The following MCC variants were observed in gnomAD, a reference collection of about 807,000 sequenced individuals.
The protein encoded by MCC is MCC regulator of Wnt signaling pathway.
A neutral mutation model predicts 116.2 loss-of-function variants in MCC; 90 were observed. That is an observed-to-expected ratio of 0.77 (90% CI 0.65 to 0.92). The LOEUF is 0.92. Among genes scored for constraint, MCC ranks in the 40% least tolerant of loss-of-function variants. The probability of loss-of-function intolerance (pLI) is 0.00; values close to 1 mark genes in which losing one functional copy is unlikely to be tolerated. For synonymous variants in MCC, 578 were observed against 510.5 expected (o/e 1.13, Z -1.78); for missense variants, 1,516 against 1,312.2 (o/e 1.16, Z -2.40).
intron 5 of MCC, among the ~76,000 whole-genome samples, chr5:113,124,198 G>A (rs1757902960): frequency 6.6e-6 from 1 of 152,118 alleles, no homozygotes; most frequent in African/African-American, 2.4e-5. Context: ...AAAAAATACA[G>A]GCTAATGTTC....
intron 13 of MCC, 112 bp downstream of exon 13, chr5:113,067,968 C>T: frequency 1.1e-6 from 1 of 909,768 alleles, no homozygotes; most frequent in Non-Finnish European, 1.8e-6. Flanking sequence ...ACACACTTGA[C>T]AACCAAATTT....
At chr5:113,459,825 AACACACACACACAC>A (rs5870543) in intron 1 of MCC, among the ~76,000 whole-genome samples, 1 of 147,530 alleles carries the variant, frequency 6.8e-6, no homozygotes, top group Non-Finnish European at 1.5e-5. Context: ...CGCTATGGAA[AACACACACACACAC>A]ACACACACAC....
chr5:113,102,040 G>A (rs1756453075), intron 7 of MCC, 95 bp from the exon 8 acceptor site: 2 of 1,241,970 alleles, frequency 1.6e-6, no homozygotes, highest in Non-Finnish European at 2.3e-6. Context: ...TGTCCATAGA[G>A]GAGTGTGTTC....
chr5:113,289,160 G>A (rs913713084), intron 3 of MCC, among the ~76,000 whole-genome samples: 1 of 152,018 alleles, frequency 6.6e-6, no homozygotes, highest in Middle Eastern at 3.4e-3. Context: ...GTGAAACTCT[G>A]TCTCTACTAA....
At chr5:113,166,282 T>G (rs557781907) in intron 3 of MCC, among the ~76,000 whole-genome samples, 1 of 152,184 alleles carries the variant, frequency 6.6e-6, no homozygotes, top group Admixed American at 6.6e-5. Context: ...AGTCTGGCAG[T>G]GACTAGAAAT....
chr5:113,222,585 T>C (rs1763591892), intron 3 of MCC, among the ~76,000 whole-genome samples: 1 of 152,236 alleles, frequency 6.6e-6, no homozygotes, highest in African/African-American at 2.4e-5. Context: ...ATTTGTCAGA[T>C]ATTAAATGTA....
chr5:113,064,848 C>T (rs528413012), intron 13 of MCC, among the ~76,000 whole-genome samples: 1 of 152,234 alleles, frequency 6.6e-6, no homozygotes, highest in Non-Finnish European at 1.5e-5. Context: ...TGTTCACATT[C>T]CTATTGTGAT....
At position 113,108,252 on chromosome 5, in the gene MCC, G is replaced by A. The variant is rs143278424; in HGVS notation, c.1028-3897C>T. Among the ~76,000 whole-genome samples the A allele has an allele frequency of 2.3e-3, 325 of 138,914 alleles. 4 individuals carry two copies. Among genetic ancestry groups the A allele is most frequent in the African/African-American group, 7.6e-3 (285 of 37,634 alleles). The allele number at this position is 138,914 out of a possible 152,430, so 91.1% of individuals were successfully genotyped here. A position where few individuals can be genotyped will look rare whatever the true frequency, so the allele number is the denominator to read the frequency against. On this transcript the variant is annotated intron_variant, in intron 6 of 18. Transcript: ENST00000408903. ...GGAGGCTGAGGCAGGAGAATCACTTGAACCCAGGAGGTGGAGGTTGCAATG... is the reference window on the plus strand; with the variant it reads ...GGAGGCTGAGGCAGGAGAATCACTTAAACCCAGGAGGTGGAGGTTGCAATG...
At chr5:113,214,732 C>CTGTGAGATTT (rs1165638963) in intron 3 of MCC, among the ~76,000 whole-genome samples, 2 of 152,208 alleles carry the variant, frequency 1.3e-5, no homozygotes, top group African/African-American at 4.8e-5. Context: ...TCTCAACACC[C>CTGTGAGATTT]TCCAAGCCAT....
rs1007489766 is a variant in MCC at position 113,025,232 on chromosome 5, A to T, written c.*2070T>A. 2.1e-5 allele frequency: 3 copies of T among 142,038 alleles called. No individual in the cohort carries two copies. Among genetic ancestry groups the T allele is most frequent in the African/African-American group, 7.5e-5 (3 of 40,066 alleles). 8.8% of individuals were successfully genotyped at this position (142,038 alleles called of 1,614,324 possible). The stretch of plus-strand genomic sequence containing the variant: ...GTTTCCCTAGGCAAGCTGGAAAAAT[A>T]GTGAAAACTGATTTTTTTTTTTTTG... On this transcript the variant is annotated 3_prime_UTR_variant, in exon 19 of 19. Coordinates refer to ENST00000408903, the MANE Select transcript of MCC (RefSeq NM_001085377.2).
At chr5:113,231,397 A>G (rs1466385707) in intron 3 of MCC, among the ~76,000 whole-genome samples, 1 of 152,198 alleles carries the variant, frequency 6.6e-6, no homozygotes, top group Non-Finnish European at 1.5e-5. Context: ...AAATCCTTAC[A>G]AAGTGGTGTC....
chr5:113,291,707 C>T (rs1190113218), intron 3 of MCC, among the ~76,000 whole-genome samples: 2 of 152,082 alleles, frequency 1.3e-5, no homozygotes, highest in Admixed American at 1.3e-4. Flanking sequence ...GAGGACTCAA[C>T]CATCAAAAGT....
At chr5:113,276,859 C>T (rs1465055249) in intron 3 of MCC, among the ~76,000 whole-genome samples, 1 of 146,592 alleles carries the variant, frequency 6.8e-6, no homozygotes, top group East Asian at 2.0e-4. Context: ...GGCTGGTCTA[C>T]ACTCCTAGGC....
chr5:113,483,636 T>C (rs1482236659), intron 1 of MCC, among the ~76,000 whole-genome samples: 1 of 152,096 alleles, frequency 6.6e-6, no homozygotes, highest in African/African-American at 2.4e-5. Flanking sequence ...AATATACACA[T>C]ATCCTCAAAG....
rs116286363 is a variant in MCC at position 113,214,017 on chromosome 5, T to C, written c.628-62595A>G. The stretch of plus-strand genomic sequence containing the variant: ...CCCAATCAGCCAAGTCCAGAATTTG[T>C]AGGACTGATGTTTTTTGCAATAGTA... On this transcript the variant is annotated intron_variant, in intron 3 of 18. Transcript: ENST00000408903. Among the ~76,000 whole-genome samples, 1,258 of 152,302 alleles carry C rather than the reference T, an allele frequency of 8.3e-3. 22 individuals are homozygous for C. The highest frequency in any genetic ancestry group is 0.028 in the African/African-American group (1,178 of 41,542).
intron 3 of MCC, among the ~76,000 whole-genome samples, chr5:113,231,071 A>G (rs551150144): frequency 1.6e-4 from 25 of 151,696 alleles, no homozygotes; most frequent in South Asian, 4.1e-4. Flanking sequence ...CTCTTCTCCA[A>G]AACTCTAATT....
At chr5:113,073,278 A>G (rs760141723) in intron 11 of MCC, among the ~76,000 whole-genome samples, 4 of 152,134 alleles carry the variant, frequency 2.6e-5, no homozygotes, top group Admixed American at 1.3e-4. Context: ...CACTGCTTTC[A>G]GCACCACACA....
At chr5:113,383,949 C>T (rs1291803936) in intron 2 of MCC, among the ~76,000 whole-genome samples, 1 of 152,092 alleles carries the variant, frequency 6.6e-6, no homozygotes, top group East Asian at 1.9e-4. Context: ...AATAGATCTA[C>T]CTAGCAGAGA....
At chr5:113,154,655 G>C (rs76798453) in intron 3 of MCC, among the ~76,000 whole-genome samples, 5,106 of 152,314 alleles carry the variant, frequency 0.034, 118 homozygotes, top group African/African-American at 0.05. Context: ...AAATTCAAAA[G>C]CTAGAGTGTT....
Sources: gnomAD v4.1 joint callset for allele counts (sites outside exome capture counted in the v4.1 genomes callset) on GRCh38, gnomAD v4.1.1 for gene constraint, MANE v1.5 for transcripts, NCBI Gene and HGNC (gene_info 2026-07-23, HGNC 2026-07-21) for gene names.